Variants in FKBP5 observed in about 807,000 individuals in gnomAD.
FKBP5 encodes the protein peptidyl-prolyl cis-trans isomerase FKBP5.
Under a neutral mutation model 50.5 loss-of-function variants are expected in FKBP5, and 23 were observed. The ratio of observed to expected loss-of-function variants is 0.46; its 90% CI spans 0.33 to 0.65. The LOEUF (loss-of-function observed/expected upper bound fraction) is 0.65, where lower values mean the gene tolerates loss of function less well. Ranked by LOEUF, FKBP5 falls within the 30% of genes least tolerant of loss-of-function variation. The probability of loss-of-function intolerance (pLI) is 0.02; values close to 1 mark genes in which losing one functional copy is unlikely to be tolerated. For synonymous variants in FKBP5, 176 were observed against 190.6 expected (o/e 0.92, Z 0.63); for missense variants, 411 against 553.1 (o/e 0.74, Z 2.58).
At chr6:35,608,460 TGAAGCAG>T (rs1384020851) in intron 5 of FKBP5, among the ~76,000 whole-genome samples, 1 of 152,168 alleles carries the variant, frequency 6.6e-6, no homozygotes, top group African/African-American at 2.4e-5. Context: ...CTTGGGAGGC[TGAAGCAG>T]GCTGATCGCT....
intron 2 of FKBP5, among the ~76,000 whole-genome samples, chr6:35,705,266 T>A (rs1285838641): frequency 1.5e-3 from 22 of 14,756 alleles, no homozygotes; most frequent in South Asian, 3.1e-3. Flanking sequence ...ATATTTTTTT[T>A]TTTTTTTTTT....
chr6:35,710,283 A>G (rs1766391297), intron 2 of FKBP5, among the ~76,000 whole-genome samples: 1 of 152,240 alleles, frequency 6.6e-6, no homozygotes, highest in South Asian at 2.1e-4. Flanking sequence ...GTTCGAGACC[A>G]GCCTGGACAA....
rs931377544 is a variant in FKBP5, at chr6:35,715,428, T to TTA, written c.-20+4898_-20+4899dup. Among the ~76,000 whole-genome samples the TTA allele has an allele frequency of 2.0e-4, 30 of 152,192 alleles. 1 individual carries two copies. Among genetic ancestry groups the TTA allele is most frequent in the Non-Finnish European group, 4.1e-4 (28 of 68,042 alleles). On this transcript the variant is annotated intron_variant, in intron 2 of 11. Transcript: ENST00000536438. ...AACAAGCTTATATATATATGCTTGT[T>TTA]TATATATATGTATGTGCAAAGTAAT...
At chr6:35,683,510 G>C (rs1407442965) in intron 1 of FKBP5, among the ~76,000 whole-genome samples, 1 of 151,772 alleles carries the variant, frequency 6.6e-6, no homozygotes, top group Non-Finnish European at 1.5e-5. Context: ...GTGTTGCCCA[G>C]GCTGGAGTGT....
intron 2 of FKBP5, among the ~76,000 whole-genome samples, chr6:35,694,635 C>G (rs1226424850): frequency 6.6e-6 from 1 of 152,108 alleles, no homozygotes; most frequent in African/African-American, 2.4e-5. Context: ...TTTCAGGGCT[C>G]CAGATTTTCT....
intron 8 of FKBP5, chr6:35,582,550 A>AG (rs1762469059): frequency 1.7e-6 from 1 of 604,050 alleles, no homozygotes; most frequent in Admixed American, 6.3e-5. Context: ...AAGGAACCAG[A>AG]GGAGAGGCCC....
At chr6:35,622,070 G>A (rs1253443909) in intron 3 of FKBP5, among the ~76,000 whole-genome samples, 1 of 152,198 alleles carries the variant, frequency 6.6e-6, no homozygotes, top group East Asian at 1.9e-4. Context: ...AAGTGAGCTG[G>A]TGGTAGGATA....
At chr6:35,590,288 G>A (rs1196126226) in intron 7 of FKBP5, among the ~76,000 whole-genome samples, 1 of 151,852 alleles carries the variant, frequency 6.6e-6, no homozygotes, top group Non-Finnish European at 1.5e-5. Context: ...TGACAAGAGT[G>A]AGACCCTATC....
chr6:35,603,403 C>T (rs1469217782), intron 5 of FKBP5, among the ~76,000 whole-genome samples: 3 of 152,144 alleles, frequency 2.0e-5, no homozygotes, highest in Non-Finnish European at 2.9e-5. Context: ...TCTTTTGTGC[C>T]TCACAGTACC....
intron 7 of FKBP5, among the ~76,000 whole-genome samples, chr6:35,588,437 C>T (rs1762683206): frequency 6.6e-6 from 1 of 152,110 alleles, no homozygotes; most frequent in African/African-American, 2.4e-5. Flanking sequence ...GGTTCAATTC[C>T]AGGTTTTAGC....
chr6:35,639,317 C>T (rs1177188657), intron 2 of FKBP5, among the ~76,000 whole-genome samples: 1 of 152,200 alleles, frequency 6.6e-6, no homozygotes, highest in Non-Finnish European at 1.5e-5. Context: ...TGCACAGTTA[C>T]TAGACCTATT....
At chr6:35,728,412 C>G (rs984555039) in intron 1 of FKBP5, 3 of 152,320 alleles carry the variant, frequency 2.0e-5, no homozygotes, top group Non-Finnish European at 4.4e-5. Context: ...GCAGCAGGCT[C>G]TGCCCACCTG....
At chr6:35,619,265 A>C in intron 4 of FKBP5, 55 bp from the exon 5 acceptor site, 1 of 1,214,562 alleles carries the variant, frequency 8.2e-7, no homozygotes, top group African/African-American at 1.5e-5. Context: ...CCAACTGAAC[A>C]TATGTGAAGG....
chr6:35,605,011 C>T (rs1042797773), intron 5 of FKBP5, among the ~76,000 whole-genome samples: 2 of 152,116 alleles, frequency 1.3e-5, no homozygotes, highest in Non-Finnish European at 2.9e-5. Context: ...GTCTCGATTC[C>T]TGACCTCGTG....
upstream of FKBP5, among the ~76,000 whole-genome samples, chr6:35,691,052 A>T (rs1022478039): frequency 5.9e-5 from 9 of 152,086 alleles, no homozygotes; most frequent in Non-Finnish European, 1.2e-4. Context: ...AATAAAAATA[A>T]CAGCACATAT....
intron 1 of FKBP5, among the ~76,000 whole-genome samples, chr6:35,679,499 T>C (rs1002588660): frequency 6.6e-6 from 1 of 152,236 alleles, no homozygotes; most frequent in African/African-American, 2.4e-5. Context: ...ACATCTGTCA[T>C]TCTTCAAAGA....
At chr6:35,711,114 A>C (rs1487057771) in intron 2 of FKBP5, among the ~76,000 whole-genome samples, 1 of 152,040 alleles carries the variant, frequency 6.6e-6, no homozygotes, top group Non-Finnish European at 1.5e-5. Flanking sequence ...GAGTCCGCGA[A>C]GTCAAGACCA....
intron 1 of FKBP5, among the ~76,000 whole-genome samples, chr6:35,658,239 G>A (rs1765010313): frequency 6.6e-6 from 1 of 152,026 alleles, no homozygotes; most frequent in Admixed American, 6.6e-5. Context: ...ACCGGGCGTG[G>A]TGGCGGGCGC....
At position 35,629,749 on chromosome 6, in the gene FKBP5, C is replaced by T. The variant is rs1415374546; in HGVS notation, c.250+7265G>A. 2.0e-5 allele frequency among the ~76,000 whole-genome samples: 3 copies of T among 152,168 alleles called. No homozygotes were observed. The East Asian group carries it at 5.8e-4, about 29-fold the overall frequency. On this transcript the variant is annotated intron_variant, in intron 3 of 10. Coordinates refer to ENST00000357266, the MANE Select transcript of FKBP5 (RefSeq NM_004117.4). ...AGAAATTTGCTCAGCTTTCCACAGC[C>T]TAAATCAGCTCCTCCCTGATATCCA...
Sources: allele counts gnomAD v4.1 joint callset (sites outside exome capture counted in the v4.1 genomes callset), GRCh38; gene constraint gnomAD v4.1.1; transcripts MANE v1.5; gene names NCBI Gene and HGNC (gene_info 2026-07-23, HGNC 2026-07-21).